The following TNKS variants were observed in gnomAD, a reference collection of about 807,000 sequenced individuals.
TNKS encodes the protein poly [ADP-ribose] polymerase tankyrase-1.
Under a neutral mutation model 135.8 loss-of-function variants are expected in TNKS, and 72 were observed. The observed-to-expected ratio is 0.53, with a 90% CI of 0.44 to 0.64. The LOEUF (loss-of-function observed/expected upper bound fraction) is 0.64, where lower values mean the gene tolerates loss of function less well. Ranked by LOEUF, TNKS falls within the 30% of genes least tolerant of loss-of-function variation. The probability of loss-of-function intolerance (pLI) is 0.00; values close to 1 mark genes in which losing one functional copy is unlikely to be tolerated. For missense variants in TNKS, 1,769 were observed against 1,674.0 expected (o/e 1.06, Z -0.99); for synonymous variants, 849 against 649.3 (o/e 1.31, Z -4.68).
At chr8:9,659,443 A>G (rs1412935069) in intron 3 of TNKS, among the ~76,000 whole-genome samples, 1 of 152,170 alleles carries the variant, frequency 6.6e-6, no homozygotes, top group East Asian at 1.9e-4. Context: ...ACTCAAAACT[A>G]CTCAACTACA....
chr8:9,765,007 T>C (rs983080189), intron 23 of TNKS, among the ~76,000 whole-genome samples: 1 of 152,186 alleles, frequency 6.6e-6, no homozygotes, highest in African/African-American at 2.4e-5. Flanking sequence ...GCGTCAAAGC[T>C]ACAAACAGGA....
chr8:9,587,363 C>T (rs1798422048), intron 2 of TNKS, among the ~76,000 whole-genome samples: 1 of 150,904 alleles, frequency 6.6e-6, no homozygotes, highest in African/African-American at 2.4e-5. Context: ...TCATGAAAGT[C>T]ACCAGTAAGG....
At chr8:9,625,579 C>T (rs933627257) in intron 3 of TNKS, among the ~76,000 whole-genome samples, 6 of 151,754 alleles carry the variant, frequency 4.0e-5, no homozygotes, top group African/African-American at 1.5e-4. Flanking sequence ...TTGATTTGTT[C>T]CATTTTCATG....
intron 3 of TNKS, among the ~76,000 whole-genome samples, chr8:9,668,423 A>G (rs1215062623): frequency 1.3e-5 from 2 of 152,194 alleles, no homozygotes; most frequent in East Asian, 3.8e-4. Context: ...AGAATTTTTG[A>G]ATTCCATGAA....
chr8:9,573,032 GTA>G (rs35844817), intron 1 of TNKS, among the ~76,000 whole-genome samples: 35 of 148,776 alleles, frequency 2.4e-4, no homozygotes, highest in African/African-American at 2.7e-4. Flanking sequence ...TATGTTATAT[GTA>G]TATATATATA....
intron 1 of TNKS, chr8:9,574,958 A>T (rs993056681): frequency 1.2e-5 from 10 of 809,784 alleles, no homozygotes; most frequent in African/African-American, 3.8e-5. Flanking sequence ...CTGTGAGGTA[A>T]GAAGCAAGTG....
chr8:9,600,658 C>T (rs1423882681), intron 2 of TNKS, among the ~76,000 whole-genome samples: 1 of 152,026 alleles, frequency 6.6e-6, no homozygotes, highest in Non-Finnish European at 1.5e-5. Context: ...TTTTTTCCCA[C>T]TGACGTACTT....
chr8:9,748,079 A>C lies in TNKS; in HGVS notation c.2699A>C (p.Asp900Ala), dbSNP rs755631473. The C allele has an allele frequency of 6.2e-7, 1 of 1,613,830 alleles. No individual in the cohort carries two copies. Among genetic ancestry groups the C allele is most frequent in the Non-Finnish European group, 8.5e-7 (1 of 1,179,936 alleles). The stretch of plus-strand genomic sequence containing the variant: ...TACAACACGTGTGTAAATGCAACAG[A>C]TAAGTGGGCGTTTACTCCCCTCCAT... ...IKYNTCVNAT[D>A]KWAFTPLHEA... is the part of the protein sequence containing the mutation. Residue 900 changes from aspartate to alanine, a missense_variant, in exon 18 of 27, where the codon GAT becomes GCT. Physicochemically the swap from Asp to Ala is moderately radical, Grantham distance 126. Transcript: ENST00000310430.
intron 2 of TNKS, among the ~76,000 whole-genome samples, chr8:9,605,429 CAT>C (rs1220325421): frequency 3.3e-5 from 5 of 152,116 alleles, no homozygotes; most frequent in African/African-American, 1.2e-4. Context: ...TATAAATAAA[CAT>C]ATGATCATTC....
intron 4 of TNKS, among the ~76,000 whole-genome samples, 174 bp from the exon 5 acceptor site, chr8:9,680,551 G>A (rs1157430304): frequency 1.3e-5 from 2 of 152,042 alleles, no homozygotes; most frequent in Non-Finnish European, 2.9e-5. Context: ...GTAATTAACA[G>A]GAATTAATTA....
intron 3 of TNKS, 114 bp from the exon 4 acceptor site, chr8:9,679,837 G>A: frequency 9.6e-6 from 8 of 832,456 alleles, no homozygotes; most frequent in Non-Finnish European, 1.6e-5. Flanking sequence ...ACCCAGCGGG[G>A]TGTGGACTCT....
Position 9,778,890 on chromosome 8 carries a change from T to C in TNKS, c.*2154T>C, listed in dbSNP as rs1808351182. ...TGGCTTCATTAAAAAGATAAACCAC[T>C]ACCTAACTGTGGTTGTATGTTGTTT... On this transcript the variant is annotated 3_prime_UTR_variant, in exon 27 of 27. Coordinates refer to ENST00000310430, the MANE Select transcript of TNKS (RefSeq NM_003747.3). The C allele has an allele frequency of 6.6e-6, 1 of 152,216 alleles. No homozygotes were observed. Among genetic ancestry groups the C allele is most frequent in the African/African-American group, 2.4e-5 (1 of 41,468 alleles). The allele number at this position is 152,216 out of a possible 1,614,324, so 9.4% of individuals were successfully genotyped here.
rs368113364 is a variant in TNKS, at chr8:9,772,809, T to TTGTG, written c.3897+2565_3897+2568dup. On this transcript the variant is annotated intron_variant, in intron 26 of 26. Transcript: ENST00000310430. ...TTGGGGAGAATGTGTGTGTGTGTGT[T>TTGTG]TGTGTGTGTGTGTGTGTGTGTCTGT... is the stretch of plus-strand genomic sequence containing the variant. 9.5e-3 allele frequency among the ~76,000 whole-genome samples: 821 copies of TTGTG among 86,664 alleles called. 18 individuals carry two copies. The highest frequency in any genetic ancestry group is 0.022 in the African/African-American group (528 of 23,910). The allele number at this position is 86,664 out of a possible 152,430, so 56.9% of individuals were successfully genotyped here. A position where few individuals can be genotyped will look rare whatever the true frequency, so the allele number is the denominator to read the frequency against.
intron 2 of TNKS, among the ~76,000 whole-genome samples, chr8:9,608,167 C>T: frequency 6.6e-6 from 1 of 152,076 alleles, no homozygotes; most frequent in East Asian, 1.9e-4. Flanking sequence ...TCTTAAACTC[C>T]TAGGCTTAAG....
chr8:9,711,020 G>A (rs1804304033), intron 11 of TNKS, among the ~76,000 whole-genome samples: 1 of 152,092 alleles, frequency 6.6e-6, no homozygotes, highest in African/African-American at 2.4e-5. Flanking sequence ...ACTTTGTCAA[G>A]CACTTAAGAG....
At chr8:9,776,377 C>T (rs1237809461) in intron 26 of TNKS, among the ~76,000 whole-genome samples, 4 of 152,170 alleles carry the variant, frequency 2.6e-5, no homozygotes, top group Non-Finnish European at 4.4e-5. Flanking sequence ...AGTTTCCCTG[C>T]TTATGACACA....
intron 3 of TNKS, among the ~76,000 whole-genome samples, chr8:9,639,040 G>A (rs868612732): frequency 1.2e-4 from 19 of 152,070 alleles, no homozygotes; most frequent in African/African-American, 3.1e-4. Context: ...ACCTACTTCT[G>A]TTATTAAATT....
chr8:9,645,768 T>A (rs1196155516), intron 3 of TNKS, among the ~76,000 whole-genome samples: 1 of 152,212 alleles, frequency 6.6e-6, no homozygotes, highest in Non-Finnish European at 1.5e-5. Flanking sequence ...TTTAACTTTT[T>A]CTTTAGTATT....
chr8:9,745,718 T>G (rs1349611762), intron 17 of TNKS, among the ~76,000 whole-genome samples: 10 of 152,154 alleles, frequency 6.6e-5, no homozygotes, highest in Non-Finnish European at 2.9e-5. Context: ...TTTTTGTTTT[T>G]GGGGGCGTTT....
Sources: gnomAD v4.1 joint callset for allele counts (sites outside exome capture counted in the v4.1 genomes callset) on GRCh38, gnomAD v4.1.1 for gene constraint, MANE v1.5 for transcripts, NCBI Gene and HGNC (gene_info 2026-07-23, HGNC 2026-07-21) for gene names.